The following ZNF717 variants were observed in gnomAD, a reference collection of about 807,000 sequenced individuals.
ZNF717 encodes the protein zinc finger protein 717, also known as krueppel-like factor X17.
A neutral mutation model predicts 13.8 loss-of-function variants in ZNF717; 9 were observed. The observed-to-expected ratio is 0.65, with a 90% confidence interval of 0.39 to 1.14. The LOEUF (loss-of-function observed/expected upper bound fraction) is 1.14. Ranked by LOEUF, ZNF717 falls within the 50% of genes most tolerant of loss-of-function variation. The pLI, the probability that ZNF717 is intolerant of heterozygous loss-of-function variation, is 0.01. For missense variants in ZNF717, 1,040 were observed against 1,080.7 expected, an observed-to-expected ratio of 0.96 and a Z score of 0.53; for synonymous variants, 327 against 364.1, an observed-to-expected ratio of 0.90 and a Z score of 1.16.
chr3:75,717,175 A>G (rs1411708273), intron 4 of ZNF717, among the ~76,000 whole-genome samples: 1 of 152,230 alleles, frequency 6.6e-6, no homozygotes, highest in African/African-American at 2.4e-5. Context: ...TTTCTATATA[A>G]AAGTAAATGT....
At chr3:75,705,524 CT>C (rs1937787384), downstream of ZNF717, among the ~76,000 whole-genome samples, 1 of 152,312 alleles carries the variant, frequency 6.6e-6, no homozygotes, top group Admixed American at 6.5e-5. Context: ...CCCAGTCAGA[CT>C]CCTTCCAGTT....
chr3:75,727,812 C>A (rs1302231894), downstream of ZNF717, among the ~76,000 whole-genome samples: 2 of 152,184 alleles, frequency 1.3e-5, no homozygotes, highest in Non-Finnish European at 2.9e-5. Context: ...ACTCCCTGTT[C>A]GTACATCCCC....
At chr3:75,781,047 T>A (rs1482754010) in intron 2 of ZNF717, among the ~76,000 whole-genome samples, 1 of 152,232 alleles carries the variant, frequency 6.6e-6, no homozygotes, top group Non-Finnish European at 1.5e-5. Flanking sequence ...TCTCTCAAAA[T>A]TGAGAAAATA....
chr3:75,741,660 G>C lies in ZNF717; in HGVS notation c.134C>G (p.Thr45Ser). 1 of 1,360,792 alleles carries C rather than the reference G, an allele frequency of 7.3e-7. No homozygotes were observed. Among genetic ancestry groups the C allele is most frequent in the Non-Finnish European group, 9.9e-7 (1 of 1,009,694 alleles). The allele number at this position is 1,360,792 out of a possible 1,614,324, so 84.3% of individuals were successfully genotyped here. Reference sequence around the variant, plus strand: ...CTCCAGCATCACGTCCCTGTACAGGGTCCTCTGAGCATCATCCAGGTCCTG... The same window carrying C: ...CTCCAGCATCACGTCCCTGTACAGGCTCCTCTGAGCATCATCCAGGTCCTG... ...EWQDLDDAQR[T>S]LYRDVMLETY... The change falls in exon 3 of 5, where the codon ACC becomes AGC. Residue 45 changes from threonine (T) to serine (S), a missense_variant. This residue lies in a region of ZNF717 where 123 missense variants were observed against 177.8 expected (regional missense o/e 0.69). Coordinates refer to ENST00000652011, the MANE Select transcript of ZNF717 (RefSeq NM_001290208.3).
chr3:75,737,218 G>A lies in ZNF717; in HGVS notation c.2405C>T (p.Thr802Ile). 6.4e-7 allele frequency: 1 copy of A among 1,553,612 alleles called. No homozygotes were observed. The stretch of plus-strand genomic sequence containing the variant: ...ACCTGTGTGAGTTCTCTGATGTATG[G>A]TGAGAACTGTCTTATCGTAAAAAGT... ...RKTFYDKTVL[T>I]IHQRTHTGEK... Residue 802 changes from threonine to isoleucine, a missense_variant, in exon 5 of 5, where the codon ACC (threonine) becomes ATC (isoleucine). Physicochemically the swap from Thr to Ile is moderately conservative, Grantham distance 89 (BLOSUM62 -1). This residue lies in a region of ZNF717 where 873 missense variants were observed against 832.8 expected (regional missense o/e 1.05). Coordinates refer to ENST00000652011, the MANE Select transcript of ZNF717 (RefSeq NM_001290208.3).
intron 1 of ZNF717, 84 bp from the exon 2 acceptor site, chr3:75,783,448 C>A (rs1489682728): frequency 9.2e-7 from 1 of 1,089,228 alleles, no homozygotes; most frequent in Admixed American, 2.7e-5. Context: ...ACTCTAGACA[C>A]ATTACCTGGA....
chr3:75,700,180 T>A (rs1270062264), intron 6 of ZNF717, among the ~76,000 whole-genome samples: 3 of 152,288 alleles, frequency 2.0e-5, no homozygotes, highest in African/African-American at 4.8e-5. Context: ...AATTATGAGG[T>A]CAGGAGTTCA....
At chr3:75,752,189 C>G (rs111799590) in intron 2 of ZNF717, among the ~76,000 whole-genome samples, 3 of 151,442 alleles carry the variant, frequency 2.0e-5, no homozygotes, top group African/African-American at 7.3e-5. Flanking sequence ...CATAGGAATC[C>G]AGAACACTGC....
downstream of ZNF717, among the ~76,000 whole-genome samples, chr3:75,732,546 C>G (rs2918502): frequency 0.83 from 127,000 of 152,122 alleles, 52,986 homozygotes; most frequent in East Asian, 0.89. Flanking sequence ...ACTTATGAAA[C>G]AGGCCAAATG....
rs1473562218 is a variant in ZNF717, at chr3:75,737,904, G to T, written c.1719C>A (p.His573Gln). Residue 573 changes from histidine (H) to glutamine (Q), a missense_variant, in exon 5 of 5, where the codon CAC becomes CAA. This residue lies in a region of ZNF717 where 873 missense variants were observed against 832.8 expected (regional missense o/e 1.05). Transcript: ENST00000652011. ...GATGTATAGTTAGGAATGACTTACA[G>T]TGAAAGGATTTTCCACATTCATTAC... is the stretch of plus-strand genomic sequence containing the variant. ...YECNECGKSF[H>Q]CKSFLTIHQR... 6.5e-7 allele frequency: 1 copy of T among 1,547,738 alleles called. No homozygotes were observed. The highest frequency in any genetic ancestry group is 2.0e-5 in the Admixed American group (1 of 50,762).
intron 2 of ZNF717, among the ~76,000 whole-genome samples, chr3:75,764,741 C>T (rs1171577331): frequency 6.6e-6 from 1 of 152,054 alleles, no homozygotes; most frequent in Non-Finnish European, 1.5e-5. Context: ...CACTTCAAAC[C>T]CAACAGAAAG....
At chr3:75,717,872 G>A (rs1257316011) in intron 4 of ZNF717, among the ~76,000 whole-genome samples, 1 of 152,182 alleles carries the variant, frequency 6.6e-6, no homozygotes, top group Non-Finnish European at 1.5e-5. Flanking sequence ...ACAGGCACCA[G>A]TTCCTCCTAA....
At chr3:75,767,578 C>A (rs1171666873) in intron 2 of ZNF717, among the ~76,000 whole-genome samples, 1 of 152,106 alleles carries the variant, frequency 6.6e-6, no homozygotes, top group Non-Finnish European at 1.5e-5. Flanking sequence ...TTGGTGAGGG[C>A]CTGAAGGACA....
intron 2 of ZNF717, among the ~76,000 whole-genome samples, chr3:75,769,889 C>A (rs2107634776): frequency 6.6e-6 from 1 of 152,234 alleles, no homozygotes; most frequent in Admixed American, 6.5e-5. Flanking sequence ...AAACTATAAA[C>A]ATATATTGTA....
chr3:75,753,724 T>C (rs1286427772), intron 2 of ZNF717, among the ~76,000 whole-genome samples: 4 of 8,464 alleles, frequency 4.7e-4, no homozygotes, highest in Admixed American at 1.1e-3. Flanking sequence ...AACACTGCTG[T>C]GTGATCTGAA....
chr3:75,735,635 T>TAAAAAAAAAAAA (rs149366090), downstream of ZNF717, among the ~76,000 whole-genome samples: 3 of 79,842 alleles, frequency 3.8e-5, no homozygotes, highest in Non-Finnish European at 6.7e-5. Context: ...ACTGTCTCAA[T>TAAAAAAAAAAAA]AAAAAAAAAA....
At chr3:75,760,356 C>T (rs910675652) in intron 2 of ZNF717, among the ~76,000 whole-genome samples, 5 of 152,208 alleles carry the variant, frequency 3.3e-5, no homozygotes, top group African/African-American at 1.2e-4. Flanking sequence ...GAATTTTTTT[C>T]TAAAGTTTAC....
intron 5 of ZNF717, among the ~76,000 whole-genome samples, chr3:75,714,777 G>A (rs2106844435): frequency 6.6e-6 from 1 of 152,120 alleles, no homozygotes; most frequent in South Asian, 2.1e-4. Flanking sequence ...ATTTAATTAA[G>A]TCACATGAAT....
chr3:75,711,780 G>A (rs1218578893), intron 5 of ZNF717, among the ~76,000 whole-genome samples: 1 of 152,172 alleles, frequency 6.6e-6, no homozygotes, highest in South Asian at 2.1e-4. Flanking sequence ...CTGTGTTCAA[G>A]AGTATTTGTT....
Sources: gnomAD v4.1 joint callset for allele counts (sites outside exome capture counted in the v4.1 genomes callset) on GRCh38, gnomAD v4.1.1 for gene constraint, gnomAD v4.1.1 regional missense constraint, MANE v1.5 for transcripts, NCBI Gene and HGNC (gene_info 2026-07-23, HGNC 2026-07-21) for gene names.